The following STAB1 variants were observed in gnomAD, a reference collection of about 807,000 sequenced individuals.
The protein encoded by STAB1 is stabilin-1.
STAB1 carries 250 observed loss-of-function variants against 332.4 expected under a neutral mutation model. The ratio of observed to expected loss-of-function variants is 0.75; its 90% confidence interval spans 0.68 to 0.84. The LOEUF (loss-of-function observed/expected upper bound fraction) is 0.84, where lower values mean the gene tolerates loss of function less well. STAB1 is among the 40% of genes least tolerant of loss of function. The pLI is 0.00. For missense variants in STAB1, 3,249 were observed against 3,489.7 expected, an observed-to-expected ratio of 0.93 and a Z score of 1.74; for synonymous variants, 1,475 against 1,390.4, an observed-to-expected ratio of 1.06 and a Z score of -1.35.
intron 6 of STAB1, 27 bp downstream of exon 6, chr3:52,502,754 G>A (rs368648753): frequency 1.9e-5 from 31 of 1,601,588 alleles, no homozygotes; most frequent in Non-Finnish European, 2.5e-5. Context: ...GGATAGCCTA[G>A]GGCAGCAGGT....
rs752101514 is a variant in STAB1, at chr3:52,512,842, G to A, written c.3042G>A (p.Thr1014=). 1.7e-5 allele frequency: 28 copies of A among 1,609,128 alleles called. No individual in the cohort carries two copies. The Admixed American group carries it at 2.7e-4, about 15-fold the overall frequency. The part of the protein sequence containing the change: ...FYQWLKSAGI[T]LPADRRVTAL... ...TGTGCGTGCAGAGTGCCGGCATCAC[G>A]CTTCCTGCCGACCGCCGAGTCACAG... Residue 1014 remains threonine, a synonymous_variant, in exon 29 of 69, where the codon ACG becomes ACA. Transcript: ENST00000321725.
rs372965499 is a variant in STAB1, at chr3:52,514,814, C to T, written c.3792C>T (p.His1264=). The part of the protein sequence containing the change: ...TVGSSRCLHS[H]AEALREKCVN... ...GCTCAAGTCGCTGCCTGCATAGCCACGCTGAGGCCCTGCGGGTGAGAGGCT... is the reference window on the plus strand; with the variant it reads ...GCTCAAGTCGCTGCCTGCATAGCCATGCTGAGGCCCTGCGGGTGAGAGGCT... Residue 1264 remains histidine, a synonymous_variant, in exon 35 of 69, where the codon CAC becomes CAT. Transcript: ENST00000321725. 9.0e-5 allele frequency: 145 copies of T among 1,612,798 alleles called. No homozygotes were observed. Among genetic ancestry groups the T allele is most frequent in the Non-Finnish European group, 1.1e-4 (134 of 1,180,002 alleles).
chr3:52,523,617 C>T (rs202105447), intron 65 of STAB1, 35 bp from the exon 66 acceptor site: 44 of 1,612,666 alleles, frequency 2.7e-5, no homozygotes, highest in East Asian at 6.7e-5. Context: ...CCCTGGCCCT[C>T]GCTCACAGTG....
Position 52,512,850 on chromosome 3 carries a change from C to T in STAB1, c.3050C>T (p.Ala1017Val). The T allele has an allele frequency of 1.2e-6, 2 of 1,609,776 alleles. No individual in the cohort carries two copies. The highest frequency in any genetic ancestry group is 8.5e-7 in the Non-Finnish European group (1 of 1,179,856). Residue 1017 changes from alanine to valine, a missense_variant, in exon 29 of 69, where the codon GCC becomes GTC. Physicochemically the swap from Ala to Val is moderately conservative, Grantham distance 64. Transcript: ENST00000321725. ...CAGAGTGCCGGCATCACGCTTCCTGCCGACCGCCGAGTCACAGCCCTGGTG... is the reference window on the plus strand; with the variant it reads ...CAGAGTGCCGGCATCACGCTTCCTGTCGACCGCCGAGTCACAGCCCTGGTG... ...WLKSAGITLPADRRVTALVPS... is the reference protein window; with the variant it reads ...WLKSAGITLPVDRRVTALVPS...
intron 42 of STAB1, 84 bp from the exon 43 acceptor site, chr3:52,517,236 G>C: frequency 6.7e-7 from 1 of 1,498,460 alleles, no homozygotes; most frequent in East Asian, 2.3e-5. Flanking sequence ...GAGAGAGGAG[G>C]GGGTGGGACA....
Position 52,512,856 on chromosome 3 carries a change from G to T in STAB1, c.3056G>T (p.Arg1019Leu), listed in dbSNP as rs150311081. The part of the protein sequence containing the change: ...KSAGITLPAD[R>L]RVTALVPSEA... Reference sequence around the variant, plus strand: ...GCCGGCATCACGCTTCCTGCCGACCGCCGAGTCACAGCCCTGGTGCCCTCC... The same window carrying T: ...GCCGGCATCACGCTTCCTGCCGACCTCCGAGTCACAGCCCTGGTGCCCTCC... The change falls in exon 29 of 69, where the codon CGC becomes CTC. Residue 1019 changes from arginine (R) to leucine (L), a missense_variant. Physicochemically the swap from Arg to Leu is moderately radical, Grantham distance 102. Coordinates refer to ENST00000321725, the MANE Select transcript of STAB1 (RefSeq NM_015136.3). 5 of 1,610,340 alleles carry T rather than the reference G, an allele frequency of 3.1e-6. No individual in the cohort carries two copies. The highest frequency in any genetic ancestry group is 4.2e-6 in the Non-Finnish European group (5 of 1,179,858).
At chr3:52,510,082 C>T (rs756226399) in intron 23 of STAB1, 26 bp downstream of exon 23, 2 of 1,613,124 alleles carry the variant, frequency 1.2e-6, no homozygotes, top group Non-Finnish European at 1.7e-6. Flanking sequence ...TTCTGTCTGC[C>T]CCACCCGTGA....
rs1235232388 is a variant in STAB1, at chr3:52,505,897, G to T, written c.1710G>T (p.Leu570=). The T allele has an allele frequency of 6.2e-7, 1 of 1,613,958 alleles. No homozygotes were observed. The highest frequency in any genetic ancestry group is 8.5e-7 in the Non-Finnish European group (1 of 1,180,040). The change falls in exon 16 of 69, where the codon CTG becomes CTT. Residue 570 remains leucine (L), a synonymous_variant. Transcript: ENST00000321725. ...IYLFTAGLSK[L]QELVRYHIYN... is the part of the protein sequence containing the mutation. ...TCCCCTGCCAGGGTCTCTCTAAACTGCAGGAGTTGGTGCGGTACCACATCT... is the reference window on the plus strand; with the variant it reads ...TCCCCTGCCAGGGTCTCTCTAAACTTCAGGAGTTGGTGCGGTACCACATCT...
At chr3:52,524,252 G>C (rs759095276) in intron 68 of STAB1, 39 bp downstream of exon 68, 1 of 1,613,938 alleles carries the variant, frequency 6.2e-7, no homozygotes, top group Non-Finnish European at 8.5e-7. Context: ...GATGTGGGAT[G>C]GGCCCAGGCC....
intron 7 of STAB1, 21 bp from the exon 8 acceptor site, chr3:52,503,323 G>T: frequency 6.3e-7 from 1 of 1,594,144 alleles, no homozygotes; most frequent in Non-Finnish European, 8.6e-7. Flanking sequence ...GCTCACTTGG[G>T]CTCTCTCTCT....
rs138126209 is a variant in STAB1, at chr3:52,523,677, G to C, written c.7316G>C (p.Arg2439Pro). The C allele has an allele frequency of 5.2e-4, 837 of 1,612,732 alleles. 1 individual carries two copies. The highest frequency in any genetic ancestry group is 6.4e-4 in the Non-Finnish European group (757 of 1,179,860). Residue 2439 changes from arginine (R) to proline (P), a missense_variant, in exon 66 of 69, where the codon CGT (arginine) becomes CCT (proline). Physicochemically the swap from Arg to Pro is moderately radical, Grantham distance 103. Transcript: ENST00000321725. The stretch of plus-strand genomic sequence containing the variant: ...GCCCCAGGGACAGTTGTGGTTAGCC[G>C]TATCATTGTGTGGGACATCATGGCC... Reference protein sequence around the residue: ...PVAPGTVVVSRIIVWDIMAFN... With the variant: ...PVAPGTVVVSPIIVWDIMAFN...
At chr3:52,496,768 A>G (rs1395894942) in intron 1 of STAB1, among the ~76,000 whole-genome samples, 7 of 152,098 alleles carry the variant, frequency 4.6e-5, no homozygotes, top group Non-Finnish European at 5.9e-5. Flanking sequence ...GGGGCCTCAG[A>G]TTCGAGTTTT....
Position 52,522,870 on chromosome 3 carries a change from G to A in STAB1, c.6840G>A (p.Val2280=). 4.3e-6 allele frequency: 7 copies of A among 1,613,328 alleles called. No homozygotes were observed. Among genetic ancestry groups the A allele is most frequent in the Non-Finnish European group, 5.9e-6 (7 of 1,180,024 alleles). ...TGGCGGACTGTGGCAATGGTCGGGT[G>A]GGCATAGTCAGCCTGGGTGCCCGCA... is the stretch of plus-strand genomic sequence containing the variant. The part of the protein sequence containing the change: ...FPVADCGNGR[V]GIVSLGARKN... The change falls in exon 62 of 69, where the codon GTG becomes GTA. Residue 2280 remains valine, a synonymous_variant. Transcript: ENST00000321725.
At chr3:52,519,217 C>T (rs368857842) in intron 48 of STAB1, 47 bp from the exon 49 acceptor site, 87 of 1,585,776 alleles carry the variant, frequency 5.5e-5, no homozygotes, top group South Asian at 2.6e-4. Flanking sequence ...CGATAGCTTC[C>T]GAGCACCCCA....
chr3:52,504,903 C>T (rs1427611141), intron 12 of STAB1, 27 bp downstream of exon 12: 1 of 1,613,264 alleles, frequency 6.2e-7, no homozygotes. Flanking sequence ...AGCCTGGGGA[C>T]AAGAGGAGTC....
chr3:52,520,440 A>T lies in STAB1; in HGVS notation c.5540A>T (p.Gln1847Leu). 1.2e-6 allele frequency: 2 copies of T among 1,612,826 alleles called. No homozygotes were observed. The highest frequency in any genetic ancestry group is 1.7e-6 in the Non-Finnish European group (2 of 1,179,856). The change falls in exon 53 of 69, where the codon CAG (glutamine) becomes CTG (leucine). Residue 1847 changes from glutamine to leucine, a missense_variant. Transcript: ENST00000321725. ...MVGEDDARIV[Q>L]RHLPFEGGLA... ...GGTGAGGATGATGCTCGCATTGTGC[A>T]GCGGCACTTGCCCTTTGAGGGTGGC... is the stretch of plus-strand genomic sequence containing the variant.
At chr3:52,496,602 G>C (rs1042478319) in intron 1 of STAB1, among the ~76,000 whole-genome samples, 1 of 152,208 alleles carries the variant, frequency 6.6e-6, no homozygotes, top group African/African-American at 2.4e-5. Flanking sequence ...GACAGTGATG[G>C]GGGAAGAGCC....
rs758964689 is a variant in STAB1, at chr3:52,506,177, T to C, written c.1757T>C (p.Val586Ala). The C allele has an allele frequency of 1.9e-6, 3 of 1,611,660 alleles. No homozygotes were observed. Among genetic ancestry groups the C allele is most frequent in the East Asian group, 2.2e-5 (1 of 44,840 alleles). ...YHIYNHGQLT[V>A]EKLISKGRIL... ...CACTGTCCCTTGCCCCAGCTGACCG[T>C]TGAGAAGCTCATCTCCAAGGGTCGG... The change falls in exon 17 of 69, where the codon GTT (valine) becomes GCT (alanine). Residue 586 changes from valine to alanine, a missense_variant. By Grantham distance (64) the Val-to-Ala change is moderately conservative. Coordinates refer to ENST00000321725, the MANE Select transcript of STAB1 (RefSeq NM_015136.3).
chr3:52,514,309 C>A, intron 33 of STAB1, 56 bp from the exon 34 acceptor site: 1 of 1,569,034 alleles, frequency 6.4e-7, no homozygotes, highest in South Asian at 1.2e-5. Context: ...GTGTGGCGTG[C>A]TGTCCAGGGC....
Sources: gnomAD v4.1 joint callset for allele counts (sites outside exome capture counted in the v4.1 genomes callset) on GRCh38, gnomAD v4.1.1 for gene constraint, MANE v1.5 for transcripts, NCBI Gene and HGNC (gene_info 2026-07-23, HGNC 2026-07-21) for gene names.